NCOA7: variants seen among roughly 807,000 people sequenced by gnomAD.
NCOA7 encodes 140 kDa estrogen receptor-associated protein.
NCOA7 carries 45 observed loss-of-function variants against 104.3 expected under a neutral mutation model. That is an observed-to-expected ratio of 0.43 (90% CI 0.34 to 0.55). The LOEUF (loss-of-function observed/expected upper bound fraction) is 0.55. Ranked by LOEUF, NCOA7 falls within the 20% of genes least tolerant of loss-of-function variation. The pLI is 0.02. For synonymous variants in NCOA7, 398 were observed against 402.3 expected (o/e 0.99, Z 0.13); for missense variants, 1,041 against 1,119.7 (o/e 0.93, Z 1.00).
chr6:125,926,513 C>G (rs1483580820), intron 13 of NCOA7, among the ~76,000 whole-genome samples: 2 of 151,650 alleles, frequency 1.3e-5, no homozygotes, highest in African/African-American at 4.8e-5. Flanking sequence ...TATTCTGGTT[C>G]TTTTTTTTGG....
At chr6:125,806,159 G>A (rs1305398412) in intron 1 of NCOA7, among the ~76,000 whole-genome samples, 1 of 152,100 alleles carries the variant, frequency 6.6e-6, no homozygotes. Flanking sequence ...TGGCCAACAT[G>A]GCAAAACCCC....
intron 2 of NCOA7, among the ~76,000 whole-genome samples, chr6:125,832,714 G>A (rs1779290170): frequency 1.3e-5 from 2 of 152,228 alleles, no homozygotes; most frequent in Non-Finnish European, 2.9e-5. Context: ...TGGCTGGTGG[G>A]CTGTTCAGAA....
intron 3 of NCOA7, among the ~76,000 whole-genome samples, chr6:125,866,394 A>G (rs1174074099): frequency 6.6e-6 from 1 of 152,194 alleles, no homozygotes; most frequent in African/African-American, 2.4e-5. Flanking sequence ...ATCTCTCTGC[A>G]TTGATTTGAG....
intron 4 of NCOA7, among the ~76,000 whole-genome samples, chr6:125,877,767 T>C (rs1016477723): frequency 5.3e-5 from 8 of 152,228 alleles, no homozygotes; most frequent in Admixed American, 4.6e-4. Context: ...ATTCATCAAC[T>C]TTTTGAGTAC....
At chr6:125,922,200 G>A (rs913111492) in intron 12 of NCOA7, among the ~76,000 whole-genome samples, 1 of 152,166 alleles carries the variant, frequency 6.6e-6, no homozygotes, top group Non-Finnish European at 1.5e-5. Context: ...AAAGATATAG[G>A]TGCAATAAGA....
At chr6:125,873,516 C>CT (rs1313460376) in intron 3 of NCOA7, among the ~76,000 whole-genome samples, 1 of 152,152 alleles carries the variant, frequency 6.6e-6, no homozygotes, top group Non-Finnish European at 1.5e-5. Flanking sequence ...TTGCTGGAAT[C>CT]TAATTGCTCT....
chr6:125,907,813 A>G (rs932497256), intron 10 of NCOA7, among the ~76,000 whole-genome samples: 1 of 152,220 alleles, frequency 6.6e-6, no homozygotes, highest in Non-Finnish European at 1.5e-5. Flanking sequence ...TTACTGTACA[A>G]TGTAAGGTCC....
At chr6:125,790,865 G>T (rs1456038878), upstream of NCOA7, 1 of 152,598 alleles carries the variant, frequency 6.6e-6, no homozygotes, top group Non-Finnish European at 1.5e-5. Flanking sequence ...CGATCCGGAC[G>T]CGGGGCCCCG....
In NCOA7 at chr6:125,917,125, A is replaced by G. The variant is rs557320028; in HGVS notation, c.2244+1645A>G. Among the ~76,000 whole-genome samples the G allele has an allele frequency of 1.3e-4, 19 of 151,040 alleles. No individual in the cohort carries two copies. In the South Asian group the frequency reaches 3.7e-3, roughly 30 times the overall value. On this transcript the variant is annotated intron_variant, in intron 11 of 15. Transcript: ENST00000392477. The stretch of plus-strand genomic sequence containing the variant: ...CACCTGTTAGAATAACTACCTGGGA[A>G]TTTTAAAAAACTGAATCCTAGATCC...
intron 3 of NCOA7, among the ~76,000 whole-genome samples, chr6:125,867,510 G>T (rs1345303162): frequency 6.6e-6 from 1 of 152,190 alleles, no homozygotes; most frequent in Non-Finnish European, 1.5e-5. Flanking sequence ...TGAGCATGTG[G>T]GTACCTGTAG....
At chr6:125,828,536 G>T (rs986727010) in intron 2 of NCOA7, among the ~76,000 whole-genome samples, 1 of 152,192 alleles carries the variant, frequency 6.6e-6, no homozygotes, top group African/African-American at 2.4e-5. Context: ...GAGAGTCAAG[G>T]AATGGTGAGT....
chr6:125,917,453 C>T (rs1457888111), intron 11 of NCOA7, among the ~76,000 whole-genome samples: 1 of 152,142 alleles, frequency 6.6e-6, no homozygotes, highest in Non-Finnish European at 1.5e-5. Flanking sequence ...ACACCCTATC[C>T]TTGCTCTCAA....
intron 3 of NCOA7, among the ~76,000 whole-genome samples, chr6:125,868,536 A>T (rs1383133169): frequency 6.6e-6 from 1 of 152,244 alleles, no homozygotes; most frequent in African/African-American, 2.4e-5. Flanking sequence ...TTGCTAGTTA[A>T]ACCCAGCTCA....
intron 1 of NCOA7, among the ~76,000 whole-genome samples, chr6:125,814,616 T>A (rs1209546128): frequency 6.6e-6 from 1 of 152,048 alleles, no homozygotes; most frequent in Non-Finnish European, 1.5e-5. Context: ...ATAAAAGTGG[T>A]ATTTGAGGAA....
rs1788323045 is a variant in NCOA7 at position 125,929,404 on chromosome 6, T to C, written c.*633T>C. 1 of 152,092 alleles carries C rather than the reference T, an allele frequency of 6.6e-6. No homozygotes were observed. The highest frequency in any genetic ancestry group is 2.1e-4 in the South Asian group (1 of 4,838). 9.4% of individuals were successfully genotyped at this position (152,092 alleles called of 1,614,324 possible). On this transcript the variant is annotated 3_prime_UTR_variant, in exon 16 of 16. Coordinates refer to ENST00000392477, the MANE Select transcript of NCOA7 (RefSeq NM_181782.5). ...TCTGTTTGATTTATATAGTTTTATA[T>C]TGAATTTTTTTTGCCCTGATTGTTT...
intron 10 of NCOA7, among the ~76,000 whole-genome samples, chr6:125,896,430 A>T (rs1334687131): frequency 1.3e-5 from 2 of 152,208 alleles, no homozygotes; most frequent in Non-Finnish European, 2.9e-5. Context: ...TTTATATAAC[A>T]TCTGTTTGAT....
At position 125,874,098 on chromosome 6, in the gene NCOA7, G is replaced by A. The variant is rs1402300006; in HGVS notation, c.272-791G>A. On this transcript the variant is annotated intron_variant, in intron 3 of 15. Transcript: ENST00000392477. The stretch of plus-strand genomic sequence containing the variant: ...CCAACACTTCAGGAGGCTGAGGCGG[G>A]CGGATCACCTGAGGTCAGGAGTTTG... 3.3e-5 allele frequency among the ~76,000 whole-genome samples: 5 copies of A among 152,176 alleles called. No homozygotes were observed. In the South Asian group the frequency reaches 6.2e-4, roughly 19 times the overall value.
chr6:125,819,881 G>A (rs569677771), intron 2 of NCOA7, among the ~76,000 whole-genome samples: 1 of 152,274 alleles, frequency 6.6e-6, no homozygotes, highest in East Asian at 1.9e-4. Context: ...TTCTTTGAAA[G>A]CATTTTTTCA....
At chr6:125,837,663 C>T in intron 2 of NCOA7, among the ~76,000 whole-genome samples, 1 of 152,166 alleles carries the variant, frequency 6.6e-6, no homozygotes, top group South Asian at 2.1e-4. Flanking sequence ...ACTTCTCCCC[C>T]TAATTCATTT....
Sources: gnomAD v4.1 joint callset for allele counts (sites outside exome capture counted in the v4.1 genomes callset) on GRCh38, gnomAD v4.1.1 for gene constraint, MANE v1.5 for transcripts, NCBI Gene and HGNC (gene_info 2026-07-23, HGNC 2026-07-21) for gene names.